Variants in ABCA13 observed in about 807,000 individuals in gnomAD.
The protein encoded by ABCA13 is ATP-binding cassette sub-family A member 13.
In ABCA13, 476 loss-of-function variants were observed where a neutral mutation model predicts 478.7. That is an observed-to-expected ratio of 0.99 (90% CI 0.92 to 1.07). The LOEUF (loss-of-function observed/expected upper bound fraction) is 1.07, where lower values mean the gene tolerates loss of function less well. ABCA13 is among the 50% of genes least tolerant of loss of function. ABCA13 has a pLI of 0.00. For missense variants in ABCA13, 6,060 were observed against 5,910.6 expected (o/e 1.03, Z -0.83); for synonymous variants, 2,252 against 2,158.9 (o/e 1.04, Z -1.20).
intron 55 of ABCA13, among the ~76,000 whole-genome samples, chr7:48,574,966 A>G (rs1397130500): frequency 6.6e-6 from 1 of 152,164 alleles, no homozygotes; most frequent in African/African-American, 2.4e-5. Flanking sequence ...TAGCACATGG[A>G]TGGTATATTT....
intron 56 of ABCA13, among the ~76,000 whole-genome samples, chr7:48,583,015 G>A (rs140249142): frequency 1.0e-3 from 158 of 152,250 alleles, no homozygotes; most frequent in Middle Eastern, 6.8e-3. Context: ...ATCATGCTAG[G>A]TAGTTTCAAT....
chr7:48,339,872 C>T (rs1430226654), intron 29 of ABCA13, among the ~76,000 whole-genome samples: 3 of 152,034 alleles, frequency 2.0e-5, no homozygotes, highest in South Asian at 2.1e-4. Flanking sequence ...GGTGGGGTGG[C>T]GGTGGGGGAT....
chr7:48,412,952 C>T (rs1819482392), intron 41 of ABCA13, among the ~76,000 whole-genome samples: 1 of 151,632 alleles, frequency 6.6e-6, no homozygotes, highest in African/African-American at 2.4e-5. Context: ...GCTGGGAATA[C>T]AGGCGCCCGC....
intron 20 of ABCA13, among the ~76,000 whole-genome samples, chr7:48,295,275 A>G (rs1799206846): frequency 6.6e-6 from 1 of 152,188 alleles, no homozygotes; most frequent in Non-Finnish European, 1.5e-5. Flanking sequence ...TTTCCTGATG[A>G]TTAGTGAAAT....
rs549025852 is a variant in ABCA13, at chr7:48,411,240, T to C, written c.12228+563T>C. On this transcript the variant is annotated intron_variant, in intron 40 of 61. Transcript: ENST00000435803. ...TCCCTTCTCTTTCTCTTTCTTTCTT[T>C]CTCTTTCTGTTTCTCTTTCCTTCCT... 4.7e-4 allele frequency among the ~76,000 whole-genome samples: 66 copies of C among 141,384 alleles called. 2 individuals carry two copies. Among genetic ancestry groups the C allele is most frequent in the African/African-American group, 1.6e-3 (64 of 39,236 alleles). The allele number at this position is 141,384 out of a possible 152,430, so 92.8% of individuals were successfully genotyped here.
chr7:48,507,825 T>C (rs1317445050), intron 49 of ABCA13, 47 bp from the exon 50 acceptor site: 3 of 1,527,228 alleles, frequency 2.0e-6, no homozygotes, highest in Non-Finnish European at 2.7e-6. Context: ...CAAAGAAGGC[T>C]TGTGTTCTTC....
intron 1 of ABCA13, among the ~76,000 whole-genome samples, chr7:48,178,765 A>T (rs182197931): frequency 2.2e-4 from 33 of 151,668 alleles, no homozygotes; most frequent in Admixed American, 1.8e-3. Context: ...GGTATGGAAA[A>T]CTGACTGGAT....
At chr7:48,572,466 G>A (rs1458674664) in intron 55 of ABCA13, among the ~76,000 whole-genome samples, 1 of 151,868 alleles carries the variant, frequency 6.6e-6, no homozygotes, top group Non-Finnish European at 1.5e-5. Context: ...TACATGCCCA[G>A]CTATTTTTAT....
chr7:48,310,762 A>G (rs1296855796), intron 24 of ABCA13, among the ~76,000 whole-genome samples: 1 of 152,168 alleles, frequency 6.6e-6, no homozygotes, highest in Non-Finnish European at 1.5e-5. Flanking sequence ...TGAAGTCTGC[A>G]GGAGAGAGTG....
chr7:48,463,507 A>G (rs1260632994), intron 43 of ABCA13, among the ~76,000 whole-genome samples: 1 of 152,120 alleles, frequency 6.6e-6, no homozygotes, highest in Non-Finnish European at 1.5e-5. Context: ...TCTGAGGGCC[A>G]CACCTCCCAG....
intron 51 of ABCA13, among the ~76,000 whole-genome samples, chr7:48,513,043 AC>A (rs1403786473): frequency 6.6e-6 from 1 of 152,184 alleles, no homozygotes; most frequent in East Asian, 1.9e-4. Flanking sequence ...GGAACTGGTG[AC>A]AACCTCCCCC....
chr7:48,326,883 C>T (rs775384548), intron 27 of ABCA13, among the ~76,000 whole-genome samples: 1 of 152,114 alleles, frequency 6.6e-6, no homozygotes, highest in Non-Finnish European at 1.5e-5. Flanking sequence ...ATTGGAATAT[C>T]GGGTTATGAT....
chr7:48,241,821 T>A (rs1790874580), intron 10 of ABCA13, among the ~76,000 whole-genome samples: 1 of 152,226 alleles, frequency 6.6e-6, no homozygotes, highest in African/African-American at 2.4e-5. Context: ...AAATAGCAAT[T>A]CTAAACACTT....
intron 27 of ABCA13, among the ~76,000 whole-genome samples, chr7:48,325,899 G>GA (rs1272757254): frequency 6.6e-6 from 1 of 152,196 alleles, no homozygotes; most frequent in Non-Finnish European, 1.5e-5. Context: ...GTATGGCAGA[G>GA]AAAATCACTG....
intron 39 of ABCA13, among the ~76,000 whole-genome samples, chr7:48,410,308 G>A (rs542491541): frequency 2.0e-5 from 3 of 152,098 alleles, no homozygotes; most frequent in Admixed American, 6.5e-5. Context: ...CATGGGGGTG[G>A]GGATGGGAGA....
intron 6 of ABCA13, among the ~76,000 whole-genome samples, chr7:48,228,832 TG>T (rs1788638253): frequency 6.6e-6 from 1 of 152,244 alleles, no homozygotes; most frequent in Non-Finnish European, 1.5e-5. Flanking sequence ...AAGCTCTGAC[TG>T]TGTTAGCAGT....
intron 31 of ABCA13, among the ~76,000 whole-genome samples, chr7:48,356,438 A>G (rs1809929599): frequency 6.6e-6 from 1 of 150,874 alleles, no homozygotes; most frequent in Non-Finnish European, 1.5e-5. Flanking sequence ...GTCCAGTAAG[A>G]TGGGAAAATT....
chr7:48,308,862 G>T (rs1202729793), intron 23 of ABCA13, among the ~76,000 whole-genome samples: 1 of 150,206 alleles, frequency 6.7e-6, no homozygotes, highest in Non-Finnish European at 1.5e-5. Flanking sequence ...ACAGTGACAC[G>T]CTGTACAGGT....
At chr7:48,234,825 G>T (rs745613053) in intron 8 of ABCA13, among the ~76,000 whole-genome samples, 2 of 152,184 alleles carry the variant, frequency 1.3e-5, no homozygotes, top group Non-Finnish European at 2.9e-5. Context: ...TCCACCTCCA[G>T]GGTTAGAGCA....
Sources: allele counts gnomAD v4.1 joint callset (sites outside exome capture counted in the v4.1 genomes callset), GRCh38; gene constraint gnomAD v4.1.1; transcripts MANE v1.5; gene names NCBI Gene and HGNC (gene_info 2026-07-23, HGNC 2026-07-21).